The following KCNK12 variants were observed in gnomAD, a reference collection of about 807,000 sequenced individuals.
The protein encoded by KCNK12 is potassium channel subfamily K member 12.
Under a neutral mutation model 25.3 loss-of-function variants are expected in KCNK12, and 6 were observed. The observed-to-expected ratio is 0.24, with a 90% CI of 0.13 to 0.47. The LOEUF (loss-of-function observed/expected upper bound fraction) is 0.47, where lower values mean the gene tolerates loss of function less well. KCNK12 is among the 20% of genes least tolerant of loss of function. KCNK12 has a pLI of 0.99. For synonymous variants in KCNK12, 331 were observed against 311.1 expected (o/e 1.06, Z -0.67); for missense variants, 444 against 661.7 (o/e 0.67, Z 3.61).
At position 47,551,295 on chromosome 2, in the gene KCNK12, C is replaced by T. The variant is rs1036533647; in HGVS notation, c.391+18646G>A. Reference sequence around the variant, plus strand: ...CTCCAGGCAGCCACATGGCTCACTCCCTTACCTCATTCCAAGCCTCCACTC... The same window carrying T: ...CTCCAGGCAGCCACATGGCTCACTCTCTTACCTCATTCCAAGCCTCCACTC... On this transcript the variant is annotated intron_variant, in intron 1 of 1. Coordinates refer to ENST00000327876, the MANE Select transcript of KCNK12 (RefSeq NM_022055.2). This position sits in a 1 kb window ranked among gnomAD's most constrained non-coding sequence, Gnocchi z 5.3. Among the ~76,000 whole-genome samples the T allele has an allele frequency of 6.6e-4, 100 of 152,198 alleles. No homozygotes were observed. Among genetic ancestry groups the T allele is most frequent in the Admixed American group, 2.1e-3 (32 of 15,278 alleles).
chr2:47,551,884 A>C lies in KCNK12; in HGVS notation c.391+18057T>G, dbSNP rs1669441538. Among the ~76,000 whole-genome samples, 1 of 152,230 alleles carries C rather than the reference A, an allele frequency of 6.6e-6. No individual in the cohort carries two copies. On this transcript the variant is annotated intron_variant, in intron 1 of 1. Coordinates refer to ENST00000327876, the MANE Select transcript of KCNK12 (RefSeq NM_022055.2). The surrounding 1 kb of genome is among the most constrained non-coding windows in gnomAD (Gnocchi z 5.3). ...ATTACAGAGAAAGCCTGGAAACATTACAAGGGAGTAGAGCCAGGGCCTTGT... is the reference window on the plus strand; with the variant it reads ...ATTACAGAGAAAGCCTGGAAACATTCCAAGGGAGTAGAGCCAGGGCCTTGT...
intron 1 of KCNK12, among the ~76,000 whole-genome samples, chr2:47,552,167 G>A (rs894907360): frequency 2.6e-5 from 4 of 152,196 alleles, no homozygotes; most frequent in Non-Finnish European, 5.9e-5. Flanking sequence ...GAATGTAGAT[G>A]GAAGTGAAGG....
intron 1 of KCNK12, among the ~76,000 whole-genome samples, chr2:47,545,637 T>C (rs1452529919): frequency 1.3e-5 from 2 of 152,240 alleles, no homozygotes; most frequent in African/African-American, 2.4e-5. Flanking sequence ...GGCTCTTTGA[T>C]CTGAGAAAGC....
intron 1 of KCNK12, chr2:47,563,179 T>C: frequency 4.3e-6 from 1 of 233,430 alleles, no homozygotes; most frequent in East Asian, 6.0e-5. Context: ...GCAGGAGTTT[T>C]TACCCAAAGC....
At position 47,540,693 on chromosome 2, in the gene KCNK12, A is replaced by G. The variant is rs1283571690; in HGVS notation, c.392-18885T>C. On this transcript the variant is annotated intron_variant, in intron 1 of 1. Transcript: ENST00000327876. This position sits in a 1 kb window ranked among gnomAD's most constrained non-coding sequence, Gnocchi z 5.4. ...GTCATGCCAGCACTTTGGGAGGCCA[A>G]GGCAGGGGGATTGCTTGAGGCCAGG... Among the ~76,000 whole-genome samples the G allele has an allele frequency of 6.6e-6, 1 of 152,220 alleles. No individual in the cohort carries two copies. The highest frequency in any genetic ancestry group is 1.5e-5 in the Non-Finnish European group (1 of 68,038).
At position 47,525,873 on chromosome 2, in the gene KCNK12, G is replaced by A. The variant is rs1185400722; in HGVS notation, c.392-4065C>T. Among the ~76,000 whole-genome samples, 1 of 152,126 alleles carries A rather than the reference G, an allele frequency of 6.6e-6. No individual in the cohort carries two copies. Among genetic ancestry groups the A allele is most frequent in the Non-Finnish European group, 1.5e-5 (1 of 68,028 alleles). On this transcript the variant is annotated intron_variant, in intron 1 of 1. Transcript: ENST00000327876. This position sits in a 1 kb window ranked among gnomAD's most constrained non-coding sequence, Gnocchi z 4.1. ...GAAAGCACATATGCCTGTTCTAACAGGGAGCCTTGCAGCCCCACCAGCAAA... is the reference window on the plus strand; with the variant it reads ...GAAAGCACATATGCCTGTTCTAACAAGGAGCCTTGCAGCCCCACCAGCAAA...
chr2:47,521,888 G>A (rs1439381134), intron 1 of KCNK12, 80 bp from the exon 2 acceptor site: 2 of 1,157,130 alleles, frequency 1.7e-6, no homozygotes, highest in African/African-American at 1.6e-5. Context: ...GTGTGGGGGC[G>A]GGGGCATGCA....
Position 47,511,460 on chromosome 2 carries a change from T to G in KCNK12, c.*9447A>C, listed in dbSNP as rs911552346. ...TGCAAATACATGTATTCTAAAGAAA[T>G]CTGTCCAGAACCCCAGCATCTGTGG... On this transcript the variant is annotated 3_prime_UTR_variant, in exon 2 of 2. Transcript: ENST00000327876. The surrounding 1 kb of genome is among the most constrained non-coding windows in gnomAD (Gnocchi z 4.3). Among the ~76,000 whole-genome samples, 3 of 152,208 alleles carry G rather than the reference T, an allele frequency of 2.0e-5. No homozygotes were observed. The highest frequency in any genetic ancestry group is 4.4e-5 in the Non-Finnish European group (3 of 68,044).
rs949707607 is a variant in KCNK12, at chr2:47,529,552, A to G, written c.392-7744T>C. On this transcript the variant is annotated intron_variant, in intron 1 of 1. Coordinates refer to ENST00000327876, the MANE Select transcript of KCNK12 (RefSeq NM_022055.2). The surrounding 1 kb of genome is among the most constrained non-coding windows in gnomAD (Gnocchi z 4.3). The stretch of plus-strand genomic sequence containing the variant: ...ACCAATCATTCTCCCAGCCTGTACT[A>G]TATTGAGTAGCAGCCAGGCTACTTG... Among the ~76,000 whole-genome samples the G allele has an allele frequency of 2.6e-5, 4 of 152,220 alleles. No individual in the cohort carries two copies. Among genetic ancestry groups the G allele is most frequent in the African/African-American group, 4.8e-5 (2 of 41,466 alleles).
chr2:47,568,306 TAAAA>T (rs60947829), intron 1 of KCNK12, among the ~76,000 whole-genome samples: 35 of 143,154 alleles, frequency 2.4e-4, no homozygotes, highest in African/African-American at 8.1e-4. Flanking sequence ...TTAAAGCACT[TAAAA>T]AAAAAAAAAC....
At position 47,528,388 on chromosome 2, in the gene KCNK12, T is replaced by TG. The variant is rs1001218783; in HGVS notation, c.392-6581dup. 10 of 152,322 alleles carry TG rather than the reference T, an allele frequency of 6.6e-5. No homozygotes were observed. Among genetic ancestry groups the TG allele is most frequent in the African/African-American group, 1.2e-4 (5 of 41,422 alleles). 9.4% of individuals were successfully genotyped at this position (152,322 alleles called of 1,614,324 possible). A position where few individuals can be genotyped will look rare whatever the true frequency, so the allele number is the denominator to read the frequency against. On this transcript the variant is annotated intron_variant, in intron 1 of 1. Coordinates refer to ENST00000327876, the MANE Select transcript of KCNK12 (RefSeq NM_022055.2). This position sits in a 1 kb window ranked among gnomAD's most constrained non-coding sequence, Gnocchi z 4.5. The stretch of plus-strand genomic sequence containing the variant: ...ATCAAGGTCAGTAGGTTCAGAGCTC[T>TG]GGGGGGGTGCTGAGACCCTGGGACA...
At position 47,521,614 on chromosome 2, in the gene KCNK12, G is replaced by T. The variant is rs372184641; in HGVS notation, c.586C>A (p.Arg196Ser). The change falls in exon 2 of 2, where the codon CGC becomes AGC. Residue 196 changes from arginine to serine, a missense_variant. Coordinates refer to ENST00000327876, the MANE Select transcript of KCNK12 (RefSeq NM_022055.2). The part of the protein sequence containing the change: ...RSGLLPATFR[R>S]GSALSEADSL... ...TCGGCCTCCGAGAGCGCGGAGCCGC[G>T]GCGGAAGGTGGCGGGCAGCAGGCCG... is the stretch of plus-strand genomic sequence containing the variant. 2 of 1,571,640 alleles carry T rather than the reference G, an allele frequency of 1.3e-6. No homozygotes were observed. Among genetic ancestry groups the T allele is most frequent in the Non-Finnish European group, 1.7e-6 (2 of 1,159,102 alleles).
Position 47,570,442 on chromosome 2 carries a change from G to A in KCNK12, c.-111C>T. 9.1e-7 allele frequency: 1 copy of A among 1,102,246 alleles called. No homozygotes were observed. The highest frequency in any genetic ancestry group is 1.1e-6 in the Non-Finnish European group (1 of 881,854). The allele number at this position is 1,102,246 out of a possible 1,614,324, so 68.3% of individuals were successfully genotyped here. On this transcript the variant is annotated 5_prime_UTR_variant, in exon 1 of 2. Transcript: ENST00000327876. ...GTGGCCAGGGGTCCGGGGCCGCCGCGGAGCCCCTCGCCGCCTTCGCAGAGC... is the reference window on the plus strand; with the variant it reads ...GTGGCCAGGGGTCCGGGGCCGCCGCAGAGCCCCTCGCCGCCTTCGCAGAGC...
rs1669867595 is a variant in KCNK12, at chr2:47,570,359, G to A, written c.-28C>T. The stretch of plus-strand genomic sequence containing the variant: ...TCCGGAGCTCAGCCCCGGGGCCGGG[G>A]CGGCGCTCGGGGCCCGGGCCACGAC... On this transcript the variant is annotated 5_prime_UTR_variant, in exon 1 of 2. Transcript: ENST00000327876. The A allele has an allele frequency of 8.2e-7, 1 of 1,223,126 alleles. No individual in the cohort carries two copies. The highest frequency in any genetic ancestry group is 3.7e-5 in the South Asian group (1 of 27,342). 75.8% of individuals were successfully genotyped at this position (1,223,126 alleles called of 1,614,324 possible). A position where few individuals can be genotyped will look rare whatever the true frequency, so the allele number is the denominator to read the frequency against.
intron 1 of KCNK12, among the ~76,000 whole-genome samples, chr2:47,541,509 C>G (rs143656476): frequency 3.5e-4 from 53 of 152,286 alleles, no homozygotes; most frequent in Non-Finnish European, 6.5e-4. Context: ...GGGAGATGGT[C>G]TCGGTGACCT....
At chr2:47,522,257 G>A (rs762483573) in intron 1 of KCNK12, among the ~76,000 whole-genome samples, 2 of 152,172 alleles carry the variant, frequency 1.3e-5, no homozygotes, top group Non-Finnish European at 2.9e-5. Context: ...TAGTCTAGGT[G>A]AGTTTTGTTG....
At position 47,569,880 on chromosome 2, in the gene KCNK12, T is replaced by C; in HGVS notation, c.391+61A>G. The C allele has an allele frequency of 7.9e-7, 1 of 1,261,014 alleles. No homozygotes were observed. The allele number at this position is 1,261,014 out of a possible 1,614,324, so 78.1% of individuals were successfully genotyped here. On this transcript the variant is annotated intron_variant, in intron 1 of 1. Coordinates refer to ENST00000327876, the MANE Select transcript of KCNK12 (RefSeq NM_022055.2). This position sits in a 1 kb window ranked among gnomAD's most constrained non-coding sequence, Gnocchi z 4.1. ...GGACGCGGACCGAGCGGCCGAGCAG[T>C]GGAAAGGGCGGCAGGTGAAAGGCAC...
At position 47,523,545 on chromosome 2, in the gene KCNK12, A is replaced by G. The variant is rs1188565364; in HGVS notation, c.392-1737T>C. ...ACAGGCTTTAAGGGTGTCTTTATCA[A>G]TTGATTTCTGCAGAAGGTGTGGCTG... On this transcript the variant is annotated intron_variant, in intron 1 of 1. Transcript: ENST00000327876. 3.3e-5 allele frequency among the ~76,000 whole-genome samples: 5 copies of G among 152,200 alleles called. No individual in the cohort carries two copies. The South Asian group carries it at 6.2e-4, about 19-fold the overall frequency.
At position 47,542,099 on chromosome 2, in the gene KCNK12, A is replaced by G. The variant is rs1235164781; in HGVS notation, c.392-20291T>C. Among the ~76,000 whole-genome samples the G allele has an allele frequency of 2.0e-5, 3 of 152,220 alleles. No homozygotes were observed. In the East Asian group the frequency reaches 5.8e-4, roughly 29 times the overall value. The stretch of plus-strand genomic sequence containing the variant: ...TAACTGCAGGGGACTGTTTATTCCC[A>G]GAGAAATAACCTCCTGGGCAGGATA... On this transcript the variant is annotated intron_variant, in intron 1 of 1. Coordinates refer to ENST00000327876, the MANE Select transcript of KCNK12 (RefSeq NM_022055.2).
Sources: allele counts gnomAD v4.1 joint callset (sites outside exome capture counted in the v4.1 genomes callset), GRCh38; gene constraint gnomAD v4.1.1; non-coding constraint Gnocchi (gnomAD v3.1); transcripts MANE v1.5; gene names NCBI Gene and HGNC (gene_info 2026-07-23, HGNC 2026-07-21).